Variants in PLEKHH1 observed in about 807,000 individuals in gnomAD.
PLEKHH1 encodes pleckstrin homology domain-containing family H member 1.
In PLEKHH1, 104 loss-of-function variants were observed where a neutral mutation model predicts 160.0. The observed-to-expected ratio is 0.65, with a 90% CI of 0.55 to 0.76. PLEKHH1 has a LOEUF of 0.76. PLEKHH1 is among the 30% of genes least tolerant of loss of function. The pLI, the probability that PLEKHH1 is intolerant of heterozygous loss-of-function variation, is 0.00. For synonymous variants in PLEKHH1, 619 were observed against 678.4 expected (o/e 0.91, Z 1.36); for missense variants, 1,427 against 1,724.1 (o/e 0.83, Z 3.05).
chr14:67,534,670 C>T (rs2033627654), intron 1 of PLEKHH1, among the ~76,000 whole-genome samples: 1 of 152,100 alleles, frequency 6.6e-6, no homozygotes, highest in Admixed American at 6.6e-5. Flanking sequence ...TTGTGGGGTG[C>T]AGCCTGTGGC....
In PLEKHH1 at chr14:67,577,296, G is replaced by T; in HGVS notation, c.2462-6G>T. Reference sequence around the variant, plus strand: ...CCCTTGCTCTCTGGTTCCGTGCTTTGGGCAGATTCGCCGCTCTGGAGGCAC... The same window carrying T: ...CCCTTGCTCTCTGGTTCCGTGCTTTTGGCAGATTCGCCGCTCTGGAGGCAC... On this transcript the variant is annotated splice_region_variant and splice_polypyrimidine_tract_variant and intron_variant, in intron 17 of 28. Transcript: ENST00000329153. 1.3e-6 allele frequency: 2 copies of T among 1,553,826 alleles called. No individual in the cohort carries two copies. The highest frequency in any genetic ancestry group is 1.2e-5 in the South Asian group (1 of 84,324).
At chr14:67,556,149 G>A (rs1301114200) in intron 3 of PLEKHH1, among the ~76,000 whole-genome samples, 1 of 152,218 alleles carries the variant, frequency 6.6e-6, no homozygotes, top group African/African-American at 2.4e-5. Flanking sequence ...ATCACATTTA[G>A]TTCTCACTCG....
chr14:67,549,981 C>A (rs4902483), intron 2 of PLEKHH1, among the ~76,000 whole-genome samples: 1 of 152,072 alleles, frequency 6.6e-6, no homozygotes, highest in East Asian at 1.9e-4. Context: ...GCCCCATTCA[C>A]CTGTCTTTCT....
At chr14:67,569,805 A>G in intron 8 of PLEKHH1, 116 bp from the exon 9 acceptor site, 1 of 707,348 alleles carries the variant, frequency 1.4e-6, no homozygotes, top group East Asian at 2.7e-5. Context: ...CCCCCTCTTG[A>G]GATCTGTCAC....
Position 67,574,213 on chromosome 14 carries a change from G to C in PLEKHH1, c.1927-29G>C. 1 of 1,556,858 alleles carries C rather than the reference G, an allele frequency of 6.4e-7. No individual in the cohort carries two copies. ...GGTTACTCCATTCTCCCAGCGTGCT[G>C]CCCCACCCCCATATCTCGCCCTCCA... On this transcript the variant is annotated intron_variant, in intron 13 of 28. Coordinates refer to ENST00000329153, the MANE Select transcript of PLEKHH1 (RefSeq NM_020715.3). This position sits in a 1 kb window ranked among gnomAD's most constrained non-coding sequence, Gnocchi z 4.2.
intron 27 of PLEKHH1, 54 bp downstream of exon 27, chr14:67,585,708 T>C (rs1026591799): frequency 2.3e-6 from 3 of 1,312,186 alleles, no homozygotes; most frequent in African/African-American, 1.5e-5. Context: ...AACATGGTCT[T>C]TTCTTCTCCT....
At chr14:67,587,037 C>T in intron 28 of PLEKHH1, 37 bp from the exon 29 acceptor site, 1 of 1,545,078 alleles carries the variant, frequency 6.5e-7, no homozygotes, top group South Asian at 1.2e-5. Flanking sequence ...CAAGCCAAGG[C>T]TAGTTCAATT....
At chr14:67,585,870 TAGA>T (rs2036134798) in intron 27 of PLEKHH1, 78 bp from the exon 28 acceptor site, 5 of 1,440,040 alleles carry the variant, frequency 3.5e-6, no homozygotes, top group Non-Finnish European at 3.8e-6. Context: ...TTCCTGTGCC[TAGA>T]AGAGACAGGG....
intron 27 of PLEKHH1, 82 bp from the exon 28 acceptor site, chr14:67,585,869 C>T (rs1274926566): frequency 4.2e-6 from 6 of 1,433,088 alleles, no homozygotes; most frequent in East Asian, 2.3e-5. Flanking sequence ...TTTCCTGTGC[C>T]TAGAAGAGAC....
At chr14:67,569,311 G>C in intron 8 of PLEKHH1, 95 bp downstream of exon 8, 1 of 856,022 alleles carries the variant, frequency 1.2e-6, no homozygotes, top group African/African-American at 1.6e-5. Context: ...CCCAGGGCCA[G>C]GGTTGGCTGG....
At chr14:67,564,598 C>T (rs903699744) in intron 7 of PLEKHH1, among the ~76,000 whole-genome samples, 1 of 152,050 alleles carries the variant, frequency 6.6e-6, no homozygotes, top group Non-Finnish European at 1.5e-5. Context: ...GCTGGGACTA[C>T]AGGCATGCAC....
intron 10 of PLEKHH1, 35 bp from the exon 11 acceptor site, chr14:67,572,099 TG>T: frequency 6.3e-7 from 1 of 1,588,066 alleles, no homozygotes; most frequent in South Asian, 1.2e-5. Context: ...CGGGGAGGTG[TG>T]GGACCCGGGC....
rs1280435107 is a variant in PLEKHH1 at position 67,562,507 on chromosome 14, G to A, written c.876G>A (p.Gly292=). 6.2e-7 allele frequency: 1 copy of A among 1,612,108 alleles called. No individual in the cohort carries two copies. The highest frequency in any genetic ancestry group is 1.7e-5 in the Admixed American group (1 of 59,976). The change falls in exon 7 of 29, where the codon GGG becomes GGA. Residue 292 remains glycine, a synonymous_variant. Coordinates refer to ENST00000329153, the MANE Select transcript of PLEKHH1 (RefSeq NM_020715.3). ...WGEGLVTAQR[G]MLPGTKTSAR... is the part of the protein sequence containing the mutation. The stretch of plus-strand genomic sequence containing the variant: ...AGGGTCTGGTTACTGCTCAGAGAGG[G>A]ATGCTCCCTGGGACAAAGACCTCTG...
At chr14:67,552,102 C>T (rs2034415048) in intron 2 of PLEKHH1, among the ~76,000 whole-genome samples, 1 of 152,182 alleles carries the variant, frequency 6.6e-6, no homozygotes, top group Non-Finnish European at 1.5e-5. Flanking sequence ...AAGTGCACTT[C>T]ATCAGGTTGC....
chr14:67,549,186 T>G (rs2034295814), intron 2 of PLEKHH1, among the ~76,000 whole-genome samples: 2 of 152,102 alleles, frequency 1.3e-5, no homozygotes. Context: ...TGCTCACAGA[T>G]CTGATTTGTT....
chr14:67,549,142 A>C (rs1274318826), intron 2 of PLEKHH1, among the ~76,000 whole-genome samples: 1 of 152,194 alleles, frequency 6.6e-6, no homozygotes, highest in Non-Finnish European at 1.5e-5. Context: ...AGTTTGCATA[A>C]AATCATCATG....
At chr14:67,575,361 C>G (rs999943234) in intron 14 of PLEKHH1, 31 bp from the exon 15 acceptor site, 2 of 1,374,876 alleles carry the variant, frequency 1.5e-6, no homozygotes, top group African/African-American at 2.8e-5. Flanking sequence ...TTACCTAGTT[C>G]TCATAATGCC....
At chr14:67,549,672 T>G (rs2034318641) in intron 2 of PLEKHH1, among the ~76,000 whole-genome samples, 1 of 152,214 alleles carries the variant, frequency 6.6e-6, no homozygotes, top group East Asian at 1.9e-4. Flanking sequence ...GTAGTGCTCG[T>G]GAACCATTTG....
chr14:67,569,629 T>G (rs2035276775), intron 8 of PLEKHH1: 1 of 483,854 alleles, frequency 2.1e-6, no homozygotes, highest in Non-Finnish European at 3.8e-6. Context: ...CCCATAGCCG[T>G]ATGATTTGTA....
Sources: allele counts gnomAD v4.1 joint callset (sites outside exome capture counted in the v4.1 genomes callset), GRCh38; gene constraint gnomAD v4.1.1; non-coding constraint Gnocchi (gnomAD v3.1); transcripts MANE v1.5; gene names NCBI Gene and HGNC (gene_info 2026-07-23, HGNC 2026-07-21).